Variants in MBP observed in about 807,000 individuals in gnomAD.
MBP encodes the protein Golli-MBP.
In MBP, 16 loss-of-function variants were observed where a neutral mutation model predicts 35.8. The observed-to-expected ratio is 0.45, with a 90% CI of 0.30 to 0.68. The LOEUF (loss-of-function observed/expected upper bound fraction) is 0.68, where lower values mean the gene tolerates loss of function less well. Ranked by LOEUF, MBP falls within the 30% of genes least tolerant of loss-of-function variation. The pLI is 0.08. For synonymous variants in MBP, 143 were observed against 159.6 expected (o/e 0.90, Z 0.78); for missense variants, 380 against 404.7 (o/e 0.94, Z 0.52).
intron 1 of MBP, among the ~76,000 whole-genome samples, chr18:77,125,117 G>A (rs1191147633): frequency 6.6e-6 from 1 of 152,138 alleles, no homozygotes; most frequent in Non-Finnish European, 1.5e-5. Flanking sequence ...GAGGGAGACT[G>A]TCTCTCCTGC....
chr18:77,120,437 G>C (rs571534053), intron 1 of MBP, among the ~76,000 whole-genome samples: 1 of 152,174 alleles, frequency 6.6e-6, no homozygotes, highest in Non-Finnish European at 1.5e-5. Flanking sequence ...CCTCAGCGTG[G>C]GGTGTTTTTC....
At chr18:77,103,259 A>G (rs1176599869) in intron 2 of MBP, among the ~76,000 whole-genome samples, 1 of 152,172 alleles carries the variant, frequency 6.6e-6, no homozygotes, top group Admixed American at 6.5e-5. Context: ...ATAAAAACGC[A>G]CTACAGACCT....
intron 4 of MBP, among the ~76,000 whole-genome samples, chr18:76,998,090 C>T (rs1970414590): frequency 6.6e-6 from 1 of 152,252 alleles, no homozygotes; most frequent in South Asian, 2.1e-4. Flanking sequence ...CACATTCGCA[C>T]TGTTGTACCA....
chr18:77,029,432 GGGAGA>G (rs1229233439), intron 3 of MBP, among the ~76,000 whole-genome samples: 57 of 128,548 alleles, frequency 4.4e-4, no homozygotes, highest in Non-Finnish European at 2.4e-4. Flanking sequence ...CGTGGGGAGA[GGGAGA>G]GGGAGGGGGA....
intron 2 of MBP, among the ~76,000 whole-genome samples, chr18:77,083,012 T>A (rs1467267069): frequency 2.0e-5 from 3 of 151,838 alleles, no homozygotes; most frequent in Non-Finnish European, 4.4e-5. Context: ...TCTTGTTCCG[T>A]CACCCAGGCT....
chr18:77,068,309 C>G (rs1434063432), intron 2 of MBP, among the ~76,000 whole-genome samples: 4 of 152,124 alleles, frequency 2.6e-5, no homozygotes, highest in Non-Finnish European at 5.9e-5. Context: ...AAGTATGGTA[C>G]CAAGCCCAAA....
intron 3 of MBP, among the ~76,000 whole-genome samples, chr18:77,031,647 C>A (rs1972544850): frequency 6.6e-6 from 1 of 152,228 alleles, no homozygotes; most frequent in East Asian, 1.9e-4. Context: ...AGACGAACAT[C>A]TTGTTGCATT....
intron 3 of MBP, among the ~76,000 whole-genome samples, chr18:77,047,945 T>C (rs1356529574): frequency 1.3e-5 from 2 of 152,220 alleles, no homozygotes; most frequent in Non-Finnish European, 2.9e-5. Context: ...AATGATATCA[T>C]AGTACCACTA....
At chr18:77,117,332 T>C (rs1976702076) in intron 1 of MBP, among the ~76,000 whole-genome samples, 1 of 152,252 alleles carries the variant, frequency 6.6e-6, no homozygotes, top group African/African-American at 2.4e-5. Flanking sequence ...TGAGCTTGCA[T>C]TCTGAACTTG....
At position 77,004,490 on chromosome 18, in the gene MBP, C is replaced by T. The variant is rs1039488045; in HGVS notation, c.576+12342G>A. On this transcript the variant is annotated intron_variant, in intron 4 of 8. Coordinates refer to ENST00000355994, the MANE Select transcript of MBP (RefSeq NM_001025101.2). The stretch of plus-strand genomic sequence containing the variant: ...TGCCGGGTTGAAGATTATGTTTATT[C>T]CTGAATCATCGGCTCGCACGAGTTA... 2 of 152,174 alleles carry T rather than the reference C, an allele frequency of 1.3e-5. 1 individual carries two copies. Among genetic ancestry groups the T allele is most frequent in the Non-Finnish European group, 2.9e-5 (2 of 68,048 alleles). 9.4% of individuals were successfully genotyped at this position (152,174 alleles called of 1,614,324 possible).
chr18:76,998,464 C>A (rs1354895560), intron 4 of MBP, among the ~76,000 whole-genome samples: 1 of 152,182 alleles, frequency 6.6e-6, no homozygotes, highest in Non-Finnish European at 1.5e-5. Flanking sequence ...AGTTCTCAGT[C>A]ACCTTTGAAG....
intron 4 of MBP, among the ~76,000 whole-genome samples, chr18:76,996,138 G>T (rs939919267): frequency 9.2e-5 from 14 of 152,148 alleles, no homozygotes; most frequent in African/African-American, 3.1e-4. Flanking sequence ...AACCGCGAGG[G>T]GATACCGCAC....
chr18:76,997,242 G>A (rs552575806), intron 4 of MBP, among the ~76,000 whole-genome samples: 4 of 152,232 alleles, frequency 2.6e-5, no homozygotes, highest in African/African-American at 9.6e-5. Context: ...ACAAGGTGGA[G>A]CTCAGCAAAT....
At chr18:77,109,979 A>C (rs2145158121) in intron 1 of MBP, 1 of 152,310 alleles carries the variant, frequency 6.6e-6, no homozygotes, top group Non-Finnish European at 1.5e-5. Context: ...TCCTAAAGTA[A>C]TGTTTCTATG....
At chr18:77,019,401 G>C (rs191994472) in intron 3 of MBP, among the ~76,000 whole-genome samples, 1 of 152,320 alleles carries the variant, frequency 6.6e-6, no homozygotes, top group East Asian at 1.9e-4. Flanking sequence ...CACAGCCACA[G>C]ATGCACAGGG....
intron 1 of MBP, 72 bp from the exon 2 acceptor site, chr18:77,105,358 GAA>G (rs1976233636): frequency 1.0e-6 from 1 of 973,602 alleles, no homozygotes. Context: ...TTTTCCATCA[GAA>G]AGACAATCCT....
At chr18:77,117,823 G>A (rs1317194835) in intron 1 of MBP, among the ~76,000 whole-genome samples, 1 of 48,182 alleles carries the variant, frequency 2.1e-5, no homozygotes, top group African/African-American at 6.5e-5. Context: ...GGGTTGGAGT[G>A]GGATGGGGGT....
intron 1 of MBP, among the ~76,000 whole-genome samples, chr18:77,126,484 A>G (rs1464602294): frequency 3.9e-5 from 6 of 152,234 alleles, no homozygotes; most frequent in African/African-American, 1.2e-4. Flanking sequence ...AGGTCAGAAT[A>G]AGGCAAGTTC....
chr18:77,057,985 C>G (rs1450155281), intron 3 of MBP, among the ~76,000 whole-genome samples: 1 of 66,458 alleles, frequency 1.5e-5, no homozygotes. Flanking sequence ...CGCCACTACG[C>G]CCGGCTAATT....
Sources: gnomAD v4.1 joint callset for allele counts (sites outside exome capture counted in the v4.1 genomes callset) on GRCh38, gnomAD v4.1.1 for gene constraint, MANE v1.5 for transcripts, NCBI Gene and HGNC (gene_info 2026-07-23, HGNC 2026-07-21) for gene names.